KLF3: variants seen among roughly 807,000 people sequenced by gnomAD.
KLF3 encodes the protein KLF transcription factor 3, also known as Krueppel-like factor 3.
Under a neutral mutation model 32.7 loss-of-function variants are expected in KLF3, and 6 were observed. The observed-to-expected ratio is 0.18, with a 90% CI of 0.10 to 0.36. KLF3 has a LOEUF of 0.36. Ranked by LOEUF, KLF3 falls within the 10% of genes least tolerant of loss-of-function variation. KLF3 has a pLI of 1.00. For missense variants in KLF3, 338 were observed against 449.7 expected, an observed-to-expected ratio of 0.75 and a Z score of 2.25; for synonymous variants, 145 against 172.8, an observed-to-expected ratio of 0.84 and a Z score of 1.26.
Position 38,688,529 on chromosome 4 carries a change from T to G in KLF3, c.58-56T>G. The G allele has an allele frequency of 6.6e-7, 1 of 1,506,980 alleles. No individual in the cohort carries two copies. Among genetic ancestry groups the G allele is most frequent in the Admixed American group, 2.2e-5 (1 of 45,444 alleles). The allele number at this position is 1,506,980 out of a possible 1,614,324, so 93.4% of individuals were successfully genotyped here. On this transcript the variant is annotated intron_variant, in intron 2 of 5. Coordinates refer to ENST00000261438, the MANE Select transcript of KLF3 (RefSeq NM_016531.6). This position sits in a 1 kb window ranked among gnomAD's most constrained non-coding sequence, Gnocchi z 4.9. ...TTAGCATATTTTTCTTAATTCATGT[T>G]TCAAGTAAATGGACTTATTTGGCTG...
At chr4:38,665,926 T>G (rs1202596751) in intron 1 of KLF3, among the ~76,000 whole-genome samples, 1 of 152,226 alleles carries the variant, frequency 6.6e-6, no homozygotes, top group African/African-American at 2.4e-5. Context: ...CTACAAATTT[T>G]TTGGAGTTAG....
Position 38,698,378 on chromosome 4 carries a change from T to A in KLF3, c.*1115T>A, listed in dbSNP as rs939883172. ...CACATAGCTTTTATACAGAAACTCT[T>A]CCTGTGTGAGCTGTTAAGGTGCCAA... On this transcript the variant is annotated 3_prime_UTR_variant, in exon 6 of 6. Coordinates refer to ENST00000261438, the MANE Select transcript of KLF3 (RefSeq NM_016531.6). 12 of 152,668 alleles carry A rather than the reference T, an allele frequency of 7.9e-5. No homozygotes were observed. The highest frequency in any genetic ancestry group is 5.9e-4 in the Admixed American group (9 of 15,290). The allele number at this position is 152,668 out of a possible 1,614,324, so 9.5% of individuals were successfully genotyped here.
chr4:38,687,083 G>A (rs970722965), intron 2 of KLF3, among the ~76,000 whole-genome samples: 1 of 152,176 alleles, frequency 6.6e-6, no homozygotes. Flanking sequence ...GTGCATTTAC[G>A]CTGTTTAATT....
intron 1 of KLF3, among the ~76,000 whole-genome samples, chr4:38,677,790 G>A (rs184709449): frequency 2.6e-5 from 4 of 152,058 alleles, no homozygotes; most frequent in Admixed American, 6.6e-5. Flanking sequence ...TTTTTGCTCC[G>A]GAAGTTGGAA....
chr4:38,672,465 A>G (rs999799868), intron 1 of KLF3, among the ~76,000 whole-genome samples: 1 of 152,082 alleles, frequency 6.6e-6, no homozygotes, highest in African/African-American at 2.4e-5. Flanking sequence ...CTGGCTGCAC[A>G]GAGTGGGGAG....
chr4:38,680,501 A>C, intron 1 of KLF3, 86 bp from the exon 2 acceptor site: 1 of 641,770 alleles, frequency 1.6e-6, no homozygotes, highest in Non-Finnish European at 2.9e-6. Flanking sequence ...GGGGTGAGCC[A>C]CCTTGCCCAG....
chr4:38,673,268 C>T (rs1279987227), intron 1 of KLF3, among the ~76,000 whole-genome samples: 1 of 152,194 alleles, frequency 6.6e-6, no homozygotes, highest in Non-Finnish European at 1.5e-5. Flanking sequence ...TCCCTCCCAA[C>T]CTCCCACTCC....
Position 38,671,174 on chromosome 4 carries a change from G to A in KLF3, c.-40+6713G>A, listed in dbSNP as rs1199201119. ...GCAGGCAGACACGCTTCTGTTCCTGGCTGCAGCTCCAACCAGCTCTGTGAA... is the reference window on the plus strand; with the variant it reads ...GCAGGCAGACACGCTTCTGTTCCTGACTGCAGCTCCAACCAGCTCTGTGAA... On this transcript the variant is annotated intron_variant, in intron 1 of 5. Coordinates refer to ENST00000261438, the MANE Select transcript of KLF3 (RefSeq NM_016531.6). The surrounding 1 kb of genome is among the most constrained non-coding windows in gnomAD (Gnocchi z 4.4). Among the ~76,000 whole-genome samples the A allele has an allele frequency of 3.3e-5, 5 of 152,182 alleles. No individual in the cohort carries two copies. Among genetic ancestry groups the A allele is most frequent in the Non-Finnish European group, 1.5e-5 (1 of 68,030 alleles).
intron 2 of KLF3, among the ~76,000 whole-genome samples, chr4:38,685,127 A>G (rs1415008974): frequency 1.3e-5 from 2 of 152,188 alleles, no homozygotes; most frequent in Non-Finnish European, 2.9e-5. Context: ...TCTGGAACAG[A>G]GCGGGGAAGA....
At chr4:38,678,344 A>G (rs1056333129) in intron 1 of KLF3, among the ~76,000 whole-genome samples, 24 of 152,324 alleles carry the variant, frequency 1.6e-4, no homozygotes, top group African/African-American at 5.3e-4. Context: ...CTGCTTAATA[A>G]TAGATCCCAA....
intron 1 of KLF3, among the ~76,000 whole-genome samples, chr4:38,678,312 C>T (rs926491708): frequency 3.9e-5 from 6 of 152,134 alleles, no homozygotes; most frequent in Non-Finnish European, 5.9e-5. Context: ...CATGTTCATC[C>T]GTACAGCTGC....
intron 4 of KLF3, among the ~76,000 whole-genome samples, chr4:38,693,173 C>T (rs567151714): frequency 1.1e-4 from 16 of 145,952 alleles, no homozygotes; most frequent in African/African-American, 3.3e-4. Flanking sequence ...TAATTGAAGT[C>T]ATTTTTCTTT....
chr4:38,686,169 G>T (rs139048780), intron 2 of KLF3, among the ~76,000 whole-genome samples: 9 of 151,996 alleles, frequency 5.9e-5, no homozygotes, highest in African/African-American at 2.2e-4. Context: ...AACTGGCTGC[G>T]CGTGGTGGCT....
At chr4:38,679,558 G>T (rs1032214341) in intron 1 of KLF3, among the ~76,000 whole-genome samples, 1 of 152,190 alleles carries the variant, frequency 6.6e-6, no homozygotes, top group African/African-American at 2.4e-5. Flanking sequence ...AATTAATGGT[G>T]TGCAGGAGGA....
chr4:38,694,873 T>C lies in KLF3; in HGVS notation c.823T>C (p.Ser275Pro). 1 of 1,604,892 alleles carries C rather than the reference T, an allele frequency of 6.2e-7. No homozygotes were observed. The highest frequency in any genetic ancestry group is 8.5e-7 in the Non-Finnish European group (1 of 1,176,904). The change falls in exon 5 of 6, where the codon TCC becomes CCC. Residue 275 changes from serine to proline, a missense_variant. Ser to Pro is a moderately conservative substitution (Grantham distance 74). Around this residue, in one of 2 missense-constraint regions of KLF3, gnomAD observed 66 missense variants for 136.2 expected, o/e 0.48. Coordinates refer to ENST00000261438, the MANE Select transcript of KLF3 (RefSeq NM_016531.6). ...ATGCAACAAAGTGTACACTAAAAGC[T>C]CCCACTTGAAAGCACACAGAAGAAC... ...DGCNKVYTKS[S>P]HLKAHRRTHT...
rs1455922433 is a variant in KLF3, at chr4:38,674,468, T to C, written c.-39-6119T>C. ...TTTTCTTTTTTTGCCTTAAGTTCCT[T>C]TGGGGAGTAAGGGTAGGGGAAGATA... On this transcript the variant is annotated intron_variant, in intron 1 of 5. Coordinates refer to ENST00000261438, the MANE Select transcript of KLF3 (RefSeq NM_016531.6). The surrounding 1 kb of genome is among the most constrained non-coding windows in gnomAD (Gnocchi z 4.1). Among the ~76,000 whole-genome samples the C allele has an allele frequency of 4.0e-5, 6 of 151,872 alleles. No homozygotes were observed. The highest frequency in any genetic ancestry group is 3.2e-3 in the Middle Eastern group (1 of 316).
intron 1 of KLF3, among the ~76,000 whole-genome samples, chr4:38,669,416 G>A (rs1261461130): frequency 3.3e-5 from 5 of 152,078 alleles, no homozygotes; most frequent in African/African-American, 1.2e-4. Context: ...GCCCGAGCTG[G>A]AGACAGGAAA....
chr4:38,680,075 T>C (rs956728363), intron 1 of KLF3, among the ~76,000 whole-genome samples: 1 of 152,204 alleles, frequency 6.6e-6, no homozygotes, highest in Non-Finnish European at 1.5e-5. Context: ...CATCTGGTTA[T>C]GACCATGGAG....
intron 4 of KLF3, among the ~76,000 whole-genome samples, chr4:38,694,116 T>A (rs1722970775): frequency 6.6e-6 from 1 of 152,186 alleles, no homozygotes; most frequent in African/African-American, 2.4e-5. Context: ...CAATGCCAAC[T>A]TTTTTGTTGT....
Sources: allele counts gnomAD v4.1 joint callset (sites outside exome capture counted in the v4.1 genomes callset), GRCh38; gene constraint gnomAD v4.1.1; regional missense constraint gnomAD v4.1.1; non-coding constraint Gnocchi (gnomAD v3.1); transcripts MANE v1.5; gene names NCBI Gene and HGNC (gene_info 2026-07-23, HGNC 2026-07-21).